Variants in FRY observed in about 807,000 individuals in gnomAD.
FRY encodes the protein protein furry homolog.
FRY carries 128 observed loss-of-function variants against 348.4 expected under a neutral mutation model. The observed-to-expected ratio is 0.37, with a 90% confidence interval of 0.32 to 0.43. FRY has a LOEUF of 0.43. Among genes scored for constraint, FRY ranks in the 20% least tolerant of loss-of-function variants. FRY has a pLI of 1.00. For missense variants in FRY, 2,736 were observed against 3,695.2 expected, an observed-to-expected ratio of 0.74 and a Z score of 6.73; for synonymous variants, 1,370 against 1,374.7, an observed-to-expected ratio of 1.00 and a Z score of 0.08.
rs1376499797 is a variant in FRY, at chr13:32,031,780, T to G, written c.-16T>G. 1 of 1,582,080 alleles carries G rather than the reference T, an allele frequency of 6.3e-7. No homozygotes were observed. Among genetic ancestry groups the G allele is most frequent in the South Asian group, 1.1e-5 (1 of 90,206 alleles). On this transcript the variant is annotated 5_prime_UTR_variant, in exon 1 of 61. Coordinates refer to ENST00000542859, the MANE Select transcript of FRY (RefSeq NM_023037.3). ...GGCCGCTGCCCGTCCTCCCAGCCTC[T>G]TTGTATGCCGCAGACATGGCCAGCC...
In FRY at chr13:32,156,211, A is replaced by G. The variant is rs531191728; in HGVS notation, c.1651+549A>G. ...AATGTAGACACCTACTACAAACTTT[A>G]TTAAGATAGTTACTGGATTCTACAG... On this transcript the variant is annotated intron_variant, in intron 15 of 60. Transcript: ENST00000542859. 5.3e-5 allele frequency among the ~76,000 whole-genome samples: 8 copies of G among 152,330 alleles called. No individual in the cohort carries two copies. The East Asian group carries it at 1.3e-3, about 26-fold the overall frequency.
At chr13:32,055,878 T>C (rs1873595545) in intron 1 of FRY, among the ~76,000 whole-genome samples, 1 of 152,118 alleles carries the variant, frequency 6.6e-6, no homozygotes, top group Non-Finnish European at 1.5e-5. Flanking sequence ...CTGATTTTTC[T>C]TTCCAAGGTT....
intron 29 of FRY, among the ~76,000 whole-genome samples, chr13:32,197,468 G>C (rs1883742835): frequency 6.6e-6 from 1 of 152,202 alleles, no homozygotes; most frequent in African/African-American, 2.4e-5. Flanking sequence ...CAGGAGAGCA[G>C]AGTTGGGAAT....
At chr13:32,201,704 CTT>C (rs1487739268) in intron 29 of FRY, among the ~76,000 whole-genome samples, 30 of 152,252 alleles carry the variant, frequency 2.0e-4, no homozygotes, top group African/African-American at 7.2e-4. Context: ...ATCAGATAGA[CTT>C]TTGTGTTCTT....
chr13:32,210,907 T>C lies in FRY; in HGVS notation c.4464T>C (p.Ile1488=). 6.2e-7 allele frequency: 1 copy of C among 1,613,960 alleles called. No individual in the cohort carries two copies. The highest frequency in any genetic ancestry group is 1.3e-5 in the African/African-American group (1 of 75,034). Reference sequence around the variant, plus strand: ...TATACTTGTGCCGTAACAACACCATTCAAACCATGGAAGAGCTTCTCTTTG... The same window carrying C: ...TATACTTGTGCCGTAACAACACCATCCAAACCATGGAAGAGCTTCTCTTTG... ...VAIYLCRNNT[I]QTMEELLFEL... Residue 1488 remains isoleucine, a synonymous_variant, in exon 34 of 61, where the codon ATT becomes ATC. Transcript: ENST00000542859.
rs2072082735 is a variant in FRY, at chr13:32,297,541, C to CAA, written c.*2082_*2083dup. 1 of 151,838 alleles carries CAA rather than the reference C, an allele frequency of 6.6e-6. No individual in the cohort carries two copies. The highest frequency in any genetic ancestry group is 6.6e-5 in the Admixed American group (1 of 15,242). 9.4% of individuals were successfully genotyped at this position (151,838 alleles called of 1,614,324 possible). On this transcript the variant is annotated 3_prime_UTR_variant, in exon 61 of 61. Coordinates refer to ENST00000542859, the MANE Select transcript of FRY (RefSeq NM_023037.3). ...AGGATTTCAACAGTACATTACAATCCAAGATATTAACATAGGAAGCAGTGG... is the reference window on the plus strand; with the variant it reads ...AGGATTTCAACAGTACATTACAATCCAAAAGATATTAACATAGGAAGCAGTGG...
intron 11 of FRY, among the ~76,000 whole-genome samples, chr13:32,146,335 T>C (rs902780606): frequency 6.6e-6 from 1 of 152,104 alleles, no homozygotes; most frequent in Admixed American, 6.5e-5. Context: ...TTTGTTTTTG[T>C]TTTTGTTTCT....
chr13:32,124,196 T>C, intron 4 of FRY, 90 bp from the exon 5 acceptor site: 2 of 802,954 alleles, frequency 2.5e-6, no homozygotes, highest in East Asian at 2.6e-5. Flanking sequence ...TTTTGCAGTC[T>C]ATTAGGGAGG....
At chr13:32,171,796 A>C (rs1034351477) in intron 18 of FRY, among the ~76,000 whole-genome samples, 2 of 150,342 alleles carry the variant, frequency 1.3e-5, no homozygotes, top group African/African-American at 4.9e-5. Flanking sequence ...GAACATTCAC[A>C]AGGCTATTTA....
At chr13:32,267,966 A>C (rs961294305) in intron 55 of FRY, among the ~76,000 whole-genome samples, 9 of 152,112 alleles carry the variant, frequency 5.9e-5, no homozygotes, top group Admixed American at 5.9e-4. Flanking sequence ...CCACAGCCCC[A>C]CTGTCCATAG....
rs368198643 is a variant in FRY, at chr13:32,236,066, C to T, written c.5716-12C>T. ...CAAGCAATACAAAATGCTATCTTTG[C>T]ATGTTTGGCAGGGTTATGTAATGGA... is the stretch of plus-strand genomic sequence containing the variant. On this transcript the variant is annotated splice_polypyrimidine_tract_variant and intron_variant, in intron 42 of 60. Transcript: ENST00000542859. 8.9e-6 allele frequency: 14 copies of T among 1,580,542 alleles called. No homozygotes were observed. Among genetic ancestry groups the T allele is most frequent in the East Asian group, 2.2e-5 (1 of 44,704 alleles).
At chr13:32,168,507 C>T (rs1372855646) in intron 17 of FRY, among the ~76,000 whole-genome samples, 1 of 152,170 alleles carries the variant, frequency 6.6e-6, no homozygotes, top group Non-Finnish European at 1.5e-5. Context: ...TCTATATAAA[C>T]TTTTGTTGGA....
intron 49 of FRY, 106 bp from the exon 50 acceptor site, chr13:32,251,772 G>T: frequency 2.6e-6 from 2 of 772,776 alleles, no homozygotes; most frequent in Non-Finnish European, 2.4e-6. Context: ...ATTTCATTCT[G>T]TCTATACGTT....
At chr13:32,078,635 C>G (rs1445499037) in intron 1 of FRY, among the ~76,000 whole-genome samples, 199 bp from the exon 2 acceptor site, 2 of 152,098 alleles carry the variant, frequency 1.3e-5, no homozygotes, top group African/African-American at 4.8e-5. Flanking sequence ...TTGAGATGAT[C>G]AAATGTGGTA....
intron 17 of FRY, among the ~76,000 whole-genome samples, chr13:32,163,639 A>G (rs1380590542): frequency 6.6e-6 from 1 of 152,186 alleles, no homozygotes; most frequent in Admixed American, 6.5e-5. Context: ...AATGGCATGC[A>G]GTGTTCTCTT....
intron 1 of FRY, among the ~76,000 whole-genome samples, chr13:32,034,034 G>A (rs1468803887): frequency 2.0e-5 from 3 of 152,142 alleles, no homozygotes; most frequent in Admixed American, 6.5e-5. Context: ...TGAGGCAAGC[G>A]GCTAATTGCA....
Position 32,117,485 on chromosome 13 carries a change from T to C in FRY, c.464+12T>C, listed in dbSNP as rs1181135560. The C allele has an allele frequency of 1.9e-6, 3 of 1,611,856 alleles. No individual in the cohort carries two copies. The African/African-American group carries it at 4.0e-5, about 22-fold the overall frequency. ...AATAAATCAAAAAGGTACATTTCTTTTGTGTAAGGATCATGGTTTTATTTT... is the reference window on the plus strand; with the variant it reads ...AATAAATCAAAAAGGTACATTTCTTCTGTGTAAGGATCATGGTTTTATTTT... On this transcript the variant is annotated intron_variant, in intron 4 of 60. Coordinates refer to ENST00000542859, the MANE Select transcript of FRY (RefSeq NM_023037.3).
rs562212580 is a variant in FRY at position 32,125,279 on chromosome 13, C to T, written c.716+404C>T. 2.0e-5 allele frequency among the ~76,000 whole-genome samples: 3 copies of T among 152,324 alleles called. No individual in the cohort carries two copies. The South Asian group carries it at 6.2e-4, about 32-fold the overall frequency. On this transcript the variant is annotated intron_variant, in intron 7 of 60. Transcript: ENST00000542859. ...AATGTCCCCTTTACTATAGACCTTA[C>T]TTAATTCAGCTGAGCTAAAAATGTC... is the stretch of plus-strand genomic sequence containing the variant.
At chr13:32,288,679 AC>A (rs147189238) in intron 58 of FRY, among the ~76,000 whole-genome samples, 25 of 152,292 alleles carry the variant, frequency 1.6e-4, no homozygotes, top group African/African-American at 6.0e-4. Flanking sequence ...TATTTATCCT[AC>A]CCCATTTGAA....
Sources: allele counts gnomAD v4.1 joint callset (sites outside exome capture counted in the v4.1 genomes callset), GRCh38; gene constraint gnomAD v4.1.1; transcripts MANE v1.5; gene names NCBI Gene and HGNC (gene_info 2026-07-23, HGNC 2026-07-21).